The following CFAP44 variants were observed in gnomAD, a reference collection of about 807,000 sequenced individuals.
CFAP44 encodes cilia and flagella associated protein 44, also known as cilia- and flagella-associated protein 44.
In CFAP44, 134 loss-of-function variants were observed where a neutral mutation model predicts 216.2. The observed-to-expected ratio is 0.62, with a 90% CI of 0.54 to 0.72. CFAP44 has a LOEUF of 0.72. Among genes scored for constraint, CFAP44 ranks in the 30% least tolerant of loss-of-function variants. The pLI is 0.00. For missense variants in CFAP44, 2,035 were observed against 2,182.1 expected (o/e 0.93, Z 1.34); for synonymous variants, 700 against 727.6 (o/e 0.96, Z 0.61).
intron 18 of CFAP44, among the ~76,000 whole-genome samples, chr3:113,372,025 T>C (rs1256281820): frequency 6.6e-6 from 1 of 152,144 alleles, no homozygotes; most frequent in African/African-American, 2.4e-5. Context: ...AAAACCACAG[T>C]GAGATACCAT....
chr3:113,327,707 T>C lies in CFAP44; in HGVS notation c.4229A>G (p.Gln1410Arg). 6.5e-7 allele frequency: 1 copy of C among 1,537,064 alleles called. No individual in the cohort carries two copies. The highest frequency in any genetic ancestry group is 8.7e-7 in the Non-Finnish European group (1 of 1,146,748). ...AAAATTCTTCAGGAGAAGTATTTCT[T>C]GAAATAAGGTGACATGGTGCAGGTC... ...LSDLHHVTLFQEILLLKNFEK... is the reference protein window; with the variant it reads ...LSDLHHVTLFREILLLKNFEK... Residue 1410 changes from glutamine (Q) to arginine (R), a missense_variant, in exon 27 of 35, where the codon CAA (glutamine) becomes CGA (arginine). By Grantham distance (43) the Gln-to-Arg change is conservative (BLOSUM62 1). Coordinates refer to ENST00000393845, the MANE Select transcript of CFAP44 (RefSeq NM_001164496.2).
chr3:113,366,831 A>G, intron 18 of CFAP44, among the ~76,000 whole-genome samples: 1 of 152,180 alleles, frequency 6.6e-6, no homozygotes, highest in South Asian at 2.1e-4. Context: ...GACAGACTGT[A>G]CCTGGAAAAA....
intron 15 of CFAP44, among the ~76,000 whole-genome samples, chr3:113,382,421 A>G (rs1298377401): frequency 6.6e-6 from 1 of 152,190 alleles, no homozygotes; most frequent in African/African-American, 2.4e-5. Flanking sequence ...GTAAGAGCAC[A>G]TAAAGGAGAG....
intron 18 of CFAP44, among the ~76,000 whole-genome samples, chr3:113,372,507 C>T (rs2107325305): frequency 6.6e-6 from 1 of 152,300 alleles, no homozygotes; most frequent in African/African-American, 2.4e-5. Context: ...CATATTCTCA[C>T]TCATAGGTGG....
At chr3:113,302,622 G>A (rs1037842161) in intron 32 of CFAP44, among the ~76,000 whole-genome samples, 7 of 150,834 alleles carry the variant, frequency 4.6e-5, no homozygotes, top group Admixed American at 6.6e-5. Context: ...TGAGCCGGGC[G>A]TGGTGGCAGG....
intron 1 of CFAP44, among the ~76,000 whole-genome samples, chr3:113,440,674 C>T (rs1241786130): frequency 6.6e-6 from 1 of 152,166 alleles, no homozygotes; most frequent in Non-Finnish European, 1.5e-5. Context: ...ATTTCTAAAA[C>T]ACAGCTTTTA....
At chr3:113,437,340 T>G (rs1935261133) in intron 1 of CFAP44, among the ~76,000 whole-genome samples, 1 of 152,124 alleles carries the variant, frequency 6.6e-6, no homozygotes, top group Non-Finnish European at 1.5e-5. Flanking sequence ...TAGATTCTAA[T>G]AAAAAGAGCC....
At chr3:113,361,376 G>C (rs969368718) in intron 21 of CFAP44, 6 of 199,310 alleles carry the variant, frequency 3.0e-5, no homozygotes, top group Admixed American at 1.8e-4. Context: ...CAACATGTCT[G>C]TATTTGAAAT....
Position 113,290,434 on chromosome 3 carries a change from C to T in CFAP44, c.*1123G>A, listed in dbSNP as rs933109438. 9 of 152,148 alleles carry T rather than the reference C, an allele frequency of 5.9e-5. No individual in the cohort carries two copies. The highest frequency in any genetic ancestry group is 1.2e-4 in the Non-Finnish European group (8 of 68,034). The allele number at this position is 152,148 out of a possible 1,614,324, so 9.4% of individuals were successfully genotyped here. ...GAGGAAGACTTGGCATTGCTGAGTT[C>T]CCTTCTACATTTATGCAATGTTCCT... On this transcript the variant is annotated 3_prime_UTR_variant, in exon 35 of 35. Coordinates refer to ENST00000393845, the MANE Select transcript of CFAP44 (RefSeq NM_001164496.2).
At chr3:113,434,617 T>G (rs1025512119) in intron 1 of CFAP44, 2 of 152,224 alleles carry the variant, frequency 1.3e-5, no homozygotes, top group Non-Finnish European at 2.9e-5. Context: ...CACTTCTCTA[T>G]ACTAAACACC....
chr3:113,410,633 C>G lies in CFAP44; in HGVS notation c.674-1311G>C, dbSNP rs567486454. Among the ~76,000 whole-genome samples the G allele has an allele frequency of 1.1e-3, 171 of 152,268 alleles. 3 individuals are homozygous for G. The South Asian group carries it at 0.034, about 30-fold the overall frequency. On this transcript the variant is annotated intron_variant, in intron 6 of 34. Transcript: ENST00000393845. ...ACATGTGCATGTGTCTTTATAGTAGCATGATTTATAATCCTTTGGGTATAT... is the reference window on the plus strand; with the variant it reads ...ACATGTGCATGTGTCTTTATAGTAGGATGATTTATAATCCTTTGGGTATAT...
intron 13 of CFAP44, among the ~76,000 whole-genome samples, chr3:113,399,050 G>A (rs7643843): frequency 0.42 from 63,202 of 152,002 alleles, 13,480 homozygotes; most frequent in East Asian, 0.52. Flanking sequence ...TAAAAAGTGT[G>A]TGACTGTCCT....
At chr3:113,421,208 A>C (rs775895652) in intron 4 of CFAP44, among the ~76,000 whole-genome samples, 2 of 152,230 alleles carry the variant, frequency 1.3e-5, no homozygotes, top group African/African-American at 2.4e-5. Context: ...TTTTCAAAAG[A>C]AGACATGCAA....
At chr3:113,342,252 G>C (rs1297053248) in intron 23 of CFAP44, among the ~76,000 whole-genome samples, 1 of 152,200 alleles carries the variant, frequency 6.6e-6, no homozygotes, top group Non-Finnish European at 1.5e-5. Context: ...AGAATTGCTT[G>C]AAACCAGGAG....
chr3:113,329,171 T>A (rs1950219140), intron 26 of CFAP44, among the ~76,000 whole-genome samples: 2 of 152,130 alleles, frequency 1.3e-5, no homozygotes, highest in African/African-American at 4.8e-5. Flanking sequence ...CTAATACCCA[T>A]GAAACAGCAA....
chr3:113,426,050 G>A lies in CFAP44; in HGVS notation c.407+74C>T, dbSNP rs1381554400. On this transcript the variant is annotated intron_variant, in intron 4 of 34. Coordinates refer to ENST00000393845, the MANE Select transcript of CFAP44 (RefSeq NM_001164496.2). ...GTGGGAAGGCACATTTGGGCTCCCT[G>A]GGCTATAGTTTGCTGACCTCTGACC... is the stretch of plus-strand genomic sequence containing the variant. 4.5e-6 allele frequency: 7 copies of A among 1,549,280 alleles called. No homozygotes were observed. The East Asian group carries it at 1.4e-4, about 30-fold the overall frequency.
Position 113,341,870 on chromosome 3 carries a change from T to C in CFAP44, c.3311A>G (p.Lys1104Arg), listed in dbSNP as rs1204535452. 6.5e-7 allele frequency: 1 copy of C among 1,531,768 alleles called. No individual in the cohort carries two copies. The highest frequency in any genetic ancestry group is 2.5e-5 in the East Asian group (1 of 40,712). 94.9% of individuals were successfully genotyped at this position (1,531,768 alleles called of 1,614,324 possible). Residue 1104 changes from lysine (K) to arginine (R), a missense_variant, in exon 24 of 35, where the codon AAA becomes AGA. Around this residue, in one of 3 missense-constraint regions of CFAP44, gnomAD observed 1,883 missense variants for 2,023.7 expected, o/e 0.93. Coordinates refer to ENST00000393845, the MANE Select transcript of CFAP44 (RefSeq NM_001164496.2). The part of the protein sequence containing the change: ...QEESIIEKGK[K>R]FRPKTLSEII... Reference sequence around the variant, plus strand: ...TTCACTTAGGGTTTTAGGCCGAAATTTCTTCCCTTTTTCTATTATTGATTC... The same window carrying C: ...TTCACTTAGGGTTTTAGGCCGAAATCTCTTCCCTTTTTCTATTATTGATTC...
Position 113,330,500 on chromosome 3 carries a change from C to G in CFAP44, c.3784G>C (p.Glu1262Gln), listed in dbSNP as rs1310436687. 1.4e-5 allele frequency: 21 copies of G among 1,537,010 alleles called. No individual in the cohort carries two copies. Among genetic ancestry groups the G allele is most frequent in the African/African-American group, 4.1e-5 (3 of 73,008 alleles). ...TGAAATCTCTTTTCTGGAACTTCTT[C>G]TGGGTGTATCTGAGGAATTTTGGGA... ...PIPKIPQIHP[E>Q]EVPEKRFQYD... is the part of the protein sequence containing the mutation. Residue 1262 changes from glutamate to glutamine, a missense_variant, in exon 26 of 35, where the codon GAA becomes CAA. Transcript: ENST00000393845.
chr3:113,340,887 G>A (rs1025230824), intron 24 of CFAP44, among the ~76,000 whole-genome samples: 1 of 152,196 alleles, frequency 6.6e-6, no homozygotes. Context: ...TAGAGTGGAA[G>A]TAGCTCTCCA....
Sources: gnomAD v4.1 joint callset for allele counts (sites outside exome capture counted in the v4.1 genomes callset) on GRCh38, gnomAD v4.1.1 for gene constraint, gnomAD v4.1.1 regional missense constraint, MANE v1.5 for transcripts, NCBI Gene and HGNC (gene_info 2026-07-23, HGNC 2026-07-21) for gene names.